The following ENPP6 variants were observed in gnomAD, a reference collection of about 807,000 sequenced individuals.
The protein encoded by ENPP6 is ectonucleotide pyrophosphatase/phosphodiesterase 6, also known as glycerophosphocholine cholinephosphodiesterase ENPP6.
Under a neutral mutation model 42.0 loss-of-function variants are expected in ENPP6, and 32 were observed. The ratio of observed to expected loss-of-function variants is 0.76; its 90% CI spans 0.58 to 1.02. The LOEUF (loss-of-function observed/expected upper bound fraction) is 1.02. Ranked by LOEUF, ENPP6 falls within the 50% of genes least tolerant of loss-of-function variation. ENPP6 has a pLI of 0.00. For missense variants in ENPP6, 552 were observed against 566.8 expected (o/e 0.97, Z 0.27); for synonymous variants, 213 against 216.0 (o/e 0.99, Z 0.12).
intron 6 of ENPP6, among the ~76,000 whole-genome samples, chr4:184,110,346 T>A (rs1736178650): frequency 1.3e-5 from 2 of 152,196 alleles, no homozygotes; most frequent in Admixed American, 6.5e-5. Flanking sequence ...AGCTGATTGA[T>A]GAGACTGAGG....
At chr4:184,161,667 G>T (rs1737258930) in intron 1 of ENPP6, among the ~76,000 whole-genome samples, 1 of 151,346 alleles carries the variant, frequency 6.6e-6, no homozygotes, top group South Asian at 2.1e-4. Flanking sequence ...AAGAAAATGT[G>T]GTATATATAT....
At chr4:184,213,663 A>G (rs1383240989) in intron 1 of ENPP6, among the ~76,000 whole-genome samples, 1 of 149,578 alleles carries the variant, frequency 6.7e-6, no homozygotes, top group African/African-American at 2.4e-5. Flanking sequence ...TAGTTCAACC[A>G]TTGTGGAAGT....
At chr4:184,115,812 A>T (rs1401952935) in intron 5 of ENPP6, among the ~76,000 whole-genome samples, 2 of 152,178 alleles carry the variant, frequency 1.3e-5, no homozygotes, top group African/African-American at 4.8e-5. Context: ...TTGTTCCCCG[A>T]CAGAAACAGA....
At chr4:184,156,276 C>T in intron 1 of ENPP6, among the ~76,000 whole-genome samples, 1 of 152,198 alleles carries the variant, frequency 6.6e-6, no homozygotes, top group East Asian at 1.9e-4. Context: ...GTCCCGCCTT[C>T]CCATGAATAC....
chr4:184,213,374 A>C (rs896408295), intron 1 of ENPP6, among the ~76,000 whole-genome samples: 1 of 152,052 alleles, frequency 6.6e-6, no homozygotes, highest in African/African-American at 2.4e-5. Context: ...ATCTACGATG[A>C]ACTCAAACAA....
intron 6 of ENPP6, 135 bp from the exon 7 acceptor site, chr4:184,097,503 C>T (rs1410829106): frequency 3.1e-6 from 4 of 1,289,070 alleles, no homozygotes; most frequent in East Asian, 2.6e-5. Flanking sequence ...GACCCAACCT[C>T]CGCTGCGGCA....
intron 1 of ENPP6, among the ~76,000 whole-genome samples, chr4:184,208,458 G>C (rs986159132): frequency 5.9e-5 from 9 of 152,172 alleles, no homozygotes; most frequent in East Asian, 1.9e-4. Context: ...TTCCCTTTCC[G>C]AGTCAAAGAA....
chr4:184,154,361 G>A (rs1004057026), intron 1 of ENPP6, among the ~76,000 whole-genome samples: 1 of 152,222 alleles, frequency 6.6e-6, no homozygotes, highest in African/African-American at 2.4e-5. Flanking sequence ...CCAGAAGTGA[G>A]AGACGCAAAC....
chr4:184,172,125 T>C (rs1465751266), intron 1 of ENPP6, among the ~76,000 whole-genome samples: 1 of 151,324 alleles, frequency 6.6e-6, no homozygotes, highest in Non-Finnish European at 1.5e-5. Context: ...GGCGAGAGGG[T>C]GGGAAGGAAG....
chr4:184,097,311 G>T lies in ENPP6; in HGVS notation c.1051C>A (p.Arg351Ser), dbSNP rs767125002. ...TCGTTGTCGTAGCCGTGCCATCCAC[G>T]CTGCCAACCTTCCCGCCTGCCGGTG... ...NSTGRREGWQ[R>S]GWHGYDNELM... Residue 351 changes from arginine to serine, a missense_variant, in exon 7 of 8, where the codon CGT becomes AGT. By Grantham distance (110) the Arg-to-Ser change is moderately radical. Around this residue, in one of 2 missense-constraint regions of ENPP6, gnomAD observed 545 missense variants for 546.3 expected, o/e 1.00. Transcript: ENST00000296741. The T allele has an allele frequency of 2.5e-6, 4 of 1,614,164 alleles. No homozygotes were observed. The highest frequency in any genetic ancestry group is 2.2e-5 in the South Asian group (2 of 91,084).
chr4:184,166,676 A>G (rs1016470613), intron 1 of ENPP6, among the ~76,000 whole-genome samples: 2 of 152,210 alleles, frequency 1.3e-5, no homozygotes, highest in Non-Finnish European at 2.9e-5. Context: ...GCACACTCCC[A>G]TTTTATTGAG....
At chr4:184,134,967 G>A (rs1187568893) in intron 2 of ENPP6, among the ~76,000 whole-genome samples, 13 of 151,302 alleles carry the variant, frequency 8.6e-5, no homozygotes, top group Non-Finnish European at 1.9e-4. Flanking sequence ...CTTTGAATCA[G>A]GAGTTATTTA....
At chr4:184,104,437 C>T (rs1349116974) in intron 6 of ENPP6, among the ~76,000 whole-genome samples, 1 of 152,230 alleles carries the variant, frequency 6.6e-6, no homozygotes, top group East Asian at 1.9e-4. Context: ...CGATCTTTCA[C>T]CTAGCTCTGG....
At position 184,208,403 on chromosome 4, in the gene ENPP6, G is replaced by A. The variant is rs373680453; in HGVS notation, c.241+9176C>T. 3.1e-3 allele frequency among the ~76,000 whole-genome samples: 476 copies of A among 152,278 alleles called. 2 individuals are homozygous for A. Among genetic ancestry groups the A allele is most frequent in the African/African-American group, 0.011 (445 of 41,552 alleles). On this transcript the variant is annotated intron_variant, in intron 1 of 7. Coordinates refer to ENST00000296741, the MANE Select transcript of ENPP6 (RefSeq NM_153343.4). Reference sequence around the variant, plus strand: ...GCGCGCACCCTGCGCGAGCCGAAGCGGGGCGAGGCATTGCCTCACTTGGGA... The same window carrying A: ...GCGCGCACCCTGCGCGAGCCGAAGCAGGGCGAGGCATTGCCTCACTTGGGA...
At chr4:184,112,456 C>T (rs1235677797) in intron 6 of ENPP6, 12 of 537,056 alleles carry the variant, frequency 2.2e-5, no homozygotes, top group East Asian at 1.6e-4. Context: ...TCTGGAGCCA[C>T]GAAGTCTAAA....
chr4:184,182,334 C>G (rs968330306), intron 1 of ENPP6, among the ~76,000 whole-genome samples: 11 of 151,994 alleles, frequency 7.2e-5, no homozygotes, highest in Admixed American at 6.6e-4. Context: ...CCAGTCAGAA[C>G]GGCGATTACT....
chr4:184,211,086 CAGTGTGTA>C (rs1233113877), intron 1 of ENPP6, among the ~76,000 whole-genome samples: 1 of 150,164 alleles, frequency 6.7e-6, no homozygotes, highest in Non-Finnish European at 1.5e-5. Flanking sequence ...GCATTCAAAG[CAGTGTGTA>C]GAGGGAAATT....
intron 6 of ENPP6, among the ~76,000 whole-genome samples, chr4:184,107,628 AGTCAGGGCTAG>A (rs1736120248): frequency 6.6e-6 from 1 of 152,150 alleles, no homozygotes; most frequent in African/African-American, 2.4e-5. Flanking sequence ...TAGAAAAATT[AGTCAGGGCTAG>A]GTGTGGTGGC....
intron 6 of ENPP6, among the ~76,000 whole-genome samples, chr4:184,112,104 C>A (rs1016978184): frequency 1.3e-5 from 2 of 152,212 alleles, no homozygotes; most frequent in African/African-American, 4.8e-5. Flanking sequence ...AGGGCCTCCC[C>A]ACCGTGGCCT....
Sources: gnomAD v4.1 joint callset for allele counts (sites outside exome capture counted in the v4.1 genomes callset) on GRCh38, gnomAD v4.1.1 for gene constraint, gnomAD v4.1.1 regional missense constraint, MANE v1.5 for transcripts, NCBI Gene and HGNC (gene_info 2026-07-23, HGNC 2026-07-21) for gene names.